Variants in LYRM4 observed in about 807,000 individuals in gnomAD.
The protein encoded by LYRM4 is LYR motif containing 4, also known as LYR motif-containing protein 4.
LYRM4 carries 9 observed loss-of-function variants against 11.7 expected under a neutral mutation model. The ratio of observed to expected loss-of-function variants is 0.77; its 90% CI spans 0.46 to 1.34. LYRM4 has a LOEUF of 1.34. Ranked by LOEUF, LYRM4 falls within the 40% of genes most tolerant of loss-of-function variation. The pLI, the probability that LYRM4 is intolerant of heterozygous loss-of-function variation, is 0.00. For missense variants in LYRM4, 133 were observed against 112.5 expected, an observed-to-expected ratio of 1.18 and a Z score of -0.82; for synonymous variants, 42 against 40.4, an observed-to-expected ratio of 1.04 and a Z score of -0.15.
At chr6:5,062,983 C>G in the LYRM4 span, among the ~76,000 whole-genome samples, 1 of 152,200 alleles carries the variant, frequency 6.6e-6, no homozygotes, top group Non-Finnish European at 1.5e-5. Flanking sequence ...TCAAGTGGAC[C>G]GTGGTGGAGG....
At chr6:5,255,903 T>A (rs1035479272) in intron 1 of LYRM4, among the ~76,000 whole-genome samples, 6 of 152,216 alleles carry the variant, frequency 3.9e-5, no homozygotes, top group Admixed American at 1.3e-4. Context: ...ATAGTATTCC[T>A]AGATAATTCA....
At chr6:5,185,249 T>C (rs1030208030) in intron 2 of LYRM4, among the ~76,000 whole-genome samples, 18 of 152,188 alleles carry the variant, frequency 1.2e-4, no homozygotes, top group African/African-American at 2.7e-4. Flanking sequence ...TTGTCCTTCA[T>C]TGACTAAACA....
intron 1 of LYRM4, among the ~76,000 whole-genome samples, chr6:5,236,809 T>C (rs1763573189): frequency 6.6e-6 from 1 of 151,158 alleles, no homozygotes; most frequent in Non-Finnish European, 1.5e-5. Context: ...AATTAAAAAT[T>C]AGCTGGGTGT....
At chr6:5,203,096 G>A (rs1464295270) in intron 2 of LYRM4, among the ~76,000 whole-genome samples, 1 of 152,174 alleles carries the variant, frequency 6.6e-6, no homozygotes, top group Non-Finnish European at 1.5e-5. Flanking sequence ...TCCTTCATCT[G>A]TCATCAGAAA....
the LYRM4 span, among the ~76,000 whole-genome samples, chr6:5,067,639 A>G: frequency 1.5e-4 from 23 of 152,338 alleles, no homozygotes; most frequent in South Asian, 4.8e-3. Context: ...TGTGAACACC[A>G]GGAGGCAAGG....
chr6:5,104,023 A>G (rs987675021), downstream of LYRM4: 2 of 152,118 alleles, frequency 1.3e-5, no homozygotes, highest in Admixed American at 6.6e-5. Context: ...CTACAAATGT[A>G]TATTTTCTGT....
At chr6:5,222,787 G>T (rs988010204) in intron 1 of LYRM4, among the ~76,000 whole-genome samples, 1 of 141,178 alleles carries the variant, frequency 7.1e-6, no homozygotes, top group African/African-American at 2.6e-5. Flanking sequence ...AGAAAGATTA[G>T]AATGCTAGAG....
the LYRM4 span, chr6:5,085,680 C>T: frequency 5.8e-4 from 901 of 1,548,226 alleles, 18 homozygotes; most frequent in South Asian, 0.01. Flanking sequence ...AGGAAGAGGC[C>T]GCCCCCCAGG....
At chr6:5,204,602 C>A (rs532342802) in intron 2 of LYRM4, among the ~76,000 whole-genome samples, 3 of 152,266 alleles carry the variant, frequency 2.0e-5, no homozygotes, top group African/African-American at 7.2e-5. Flanking sequence ...AAGGAAGGAA[C>A]CACTTGCCTC....
At chr6:5,055,773 G>C in the LYRM4 span, among the ~76,000 whole-genome samples, 1 of 152,124 alleles carries the variant, frequency 6.6e-6, no homozygotes, top group Non-Finnish European at 1.5e-5. The surrounding 1 kb of genome is among the most constrained non-coding windows in gnomAD (Gnocchi z 4.5). Flanking sequence ...CTACTCAGAG[G>C]GTCAGTTTGT....
chr6:5,254,597 A>G (rs1764584731), intron 1 of LYRM4, among the ~76,000 whole-genome samples: 1 of 152,230 alleles, frequency 6.6e-6, no homozygotes, highest in Admixed American at 6.5e-5. Flanking sequence ...GTAACTGTGT[A>G]TGTGTGATAT....
chr6:5,176,676 T>C (rs1314429352), intron 2 of LYRM4, among the ~76,000 whole-genome samples: 2 of 152,234 alleles, frequency 1.3e-5, no homozygotes, highest in African/African-American at 4.8e-5. Context: ...GGAAGTGTGC[T>C]TATGTTATGA....
intron 2 of LYRM4, among the ~76,000 whole-genome samples, chr6:5,158,134 C>A (rs560030747): frequency 6.6e-6 from 1 of 152,150 alleles, no homozygotes; most frequent in Non-Finnish European, 1.5e-5. Context: ...TATGTCTGTG[C>A]GTGTGTGTAC....
intron 2 of LYRM4, among the ~76,000 whole-genome samples, chr6:5,189,462 T>C (rs1760626584): frequency 6.6e-6 from 1 of 152,192 alleles, no homozygotes; most frequent in Non-Finnish European, 1.5e-5. Context: ...AGCCTAGGAT[T>C]TGAAAGCAGA....
At chr6:5,218,854 C>G (rs1232419185) in intron 1 of LYRM4, among the ~76,000 whole-genome samples, 1 of 152,256 alleles carries the variant, frequency 6.6e-6, no homozygotes, top group Admixed American at 6.5e-5. Context: ...ACAGCAATTT[C>G]TGGCACTTTC....
intron 2 of LYRM4, among the ~76,000 whole-genome samples, chr6:5,149,605 TG>T (rs1448347800): frequency 6.7e-6 from 1 of 148,606 alleles, no homozygotes; most frequent in African/African-American, 2.5e-5. Context: ...AATCTTGGTA[TG>T]TCTTCTGGGG....
chr6:5,061,308 C>T, the LYRM4 span, among the ~76,000 whole-genome samples: 4 of 152,214 alleles, frequency 2.6e-5, no homozygotes, highest in South Asian at 2.1e-4. Flanking sequence ...TGTCACACCA[C>T]GTGCAGAGGC....
chr6:5,034,194 A>G, the LYRM4 span: 5 of 152,412 alleles, frequency 3.3e-5, no homozygotes, highest in East Asian at 3.9e-4. Context: ...TGCTGTTGGC[A>G]GTAAGTTCAG....
rs374797628 is a variant in LYRM4, at chr6:5,260,752, T to C, written c.-19A>G. The C allele has an allele frequency of 6.5e-7, 1 of 1,540,372 alleles. No homozygotes were observed. The highest frequency in any genetic ancestry group is 8.7e-7 in the Non-Finnish European group (1 of 1,146,378). ...CTGCCATTTTGGAAAGAAAAAAAAA[T>C]AAACGGGTCCTCTTCGCCGAGGTCC... On this transcript the variant is annotated 5_prime_UTR_variant, in exon 1 of 3. Coordinates refer to ENST00000330636, the MANE Select transcript of LYRM4 (RefSeq NM_020408.6).
Sources: gnomAD v4.1 joint callset for allele counts (sites outside exome capture counted in the v4.1 genomes callset) on GRCh38, gnomAD v4.1.1 for gene constraint, Gnocchi (gnomAD v3.1) non-coding constraint, MANE v1.5 for transcripts, NCBI Gene and HGNC (gene_info 2026-07-23, HGNC 2026-07-21) for gene names.